The following RFT1 variants were observed in gnomAD, a reference collection of about 807,000 sequenced individuals.
RFT1 encodes the protein man(5)GlcNAc(2)-PP-dolichol translocation protein RFT1.
A neutral mutation model predicts 62.2 loss-of-function variants in RFT1; 43 were observed. The ratio of observed to expected loss-of-function variants is 0.69; its 90% CI spans 0.54 to 0.89. RFT1 has a LOEUF of 0.89. Ranked by LOEUF, RFT1 falls within the 40% of genes least tolerant of loss-of-function variation. The pLI is 0.00. For missense variants in RFT1, 605 were observed against 649.9 expected, an observed-to-expected ratio of 0.93 and a Z score of 0.75; for synonymous variants, 262 against 264.6, an observed-to-expected ratio of 0.99 and a Z score of 0.10.
In RFT1 at chr3:53,130,411, C is replaced by A; in HGVS notation, c.-11G>T. On this transcript the variant is annotated 5_prime_UTR_variant, in exon 1 of 13. Transcript: ENST00000296292. ...CTCCTGGCTGCCCATAGCCTCCGCG[C>A]CAGGCTCAGACACCAGGAAATGCCG... 2.6e-6 allele frequency: 4 copies of A among 1,551,574 alleles called. No individual in the cohort carries two copies. Among genetic ancestry groups the A allele is most frequent in the African/African-American group, 1.4e-5 (1 of 73,242 alleles).
intron 4 of RFT1, among the ~76,000 whole-genome samples, chr3:53,122,172 G>C (rs1252564151): frequency 6.6e-6 from 1 of 151,984 alleles, no homozygotes; most frequent in African/African-American, 2.4e-5. Context: ...TTTATTTATG[G>C]TGAAACAGAG....
At chr3:53,103,814 G>T in intron 10 of RFT1, 139 bp downstream of exon 10, 1 of 1,075,410 alleles carries the variant, frequency 9.3e-7, no homozygotes, top group Non-Finnish European at 1.4e-6. Context: ...GAGGGGAACA[G>T]TCCCACAGCC....
chr3:53,100,143 G>T (rs899235815), intron 10 of RFT1, among the ~76,000 whole-genome samples: 1 of 152,182 alleles, frequency 6.6e-6, no homozygotes, highest in African/African-American at 2.4e-5. Flanking sequence ...TGCATGTTAA[G>T]GGAATCTCAG....
chr3:53,107,367 G>C (rs1283410001), intron 7 of RFT1, among the ~76,000 whole-genome samples: 1 of 152,172 alleles, frequency 6.6e-6, no homozygotes, highest in Non-Finnish European at 1.5e-5. Flanking sequence ...TCGATCTCCT[G>C]ACCTCGTGAT....
chr3:53,083,422 G>A, the RFT1 span, among the ~76,000 whole-genome samples: 1 of 149,838 alleles, frequency 6.7e-6, no homozygotes, highest in African/African-American at 2.5e-5. Flanking sequence ...TTGAGCCCAG[G>A]AGATTAAGGC....
At chr3:53,105,552 G>A in intron 9 of RFT1, 121 bp downstream of exon 9, 1 of 1,244,702 alleles carries the variant, frequency 8.0e-7, no homozygotes, top group Non-Finnish European at 1.2e-6. Flanking sequence ...TGTAATAGAA[G>A]AATGAAATCT....
At chr3:53,081,424 T>C in the RFT1 span, among the ~76,000 whole-genome samples, 149,802 of 152,240 alleles carry the variant, frequency 0.98, 73,755 homozygotes, top group Middle Eastern at 1. Flanking sequence ...GGCACGGGGA[T>C]TGGAAGAGGA....
intron 7 of RFT1, among the ~76,000 whole-genome samples, chr3:53,111,016 A>G (rs1701632703): frequency 6.6e-6 from 1 of 152,232 alleles, no homozygotes; most frequent in South Asian, 2.1e-4. Flanking sequence ...AAACTCTCAT[A>G]CAAGTGCATT....
chr3:53,127,227 A>C (rs748210988), intron 1 of RFT1, among the ~76,000 whole-genome samples: 5 of 150,116 alleles, frequency 3.3e-5, no homozygotes, highest in Non-Finnish European at 5.9e-5. Context: ...GACCTGCCTG[A>C]CTAACATGGT....
chr3:53,078,616 C>T, the RFT1 span, among the ~76,000 whole-genome samples: 1 of 152,180 alleles, frequency 6.6e-6, no homozygotes. Flanking sequence ...GTGGCTCATG[C>T]CTGTGGTCCC....
intron 6 of RFT1, among the ~76,000 whole-genome samples, chr3:53,119,160 G>A (rs1313243513): frequency 6.6e-6 from 1 of 151,796 alleles, no homozygotes; most frequent in African/African-American, 2.4e-5. Flanking sequence ...GCTGTAGTGA[G>A]CTATGATCAC....
chr3:53,121,569 C>T (rs1258635459), intron 5 of RFT1, 130 bp downstream of exon 5: 2 of 758,850 alleles, frequency 2.6e-6, no homozygotes, highest in Admixed American at 2.1e-5. Flanking sequence ...CTAAGGCCAC[C>T]CTTCTGGTGC....
chr3:53,101,523 C>T (rs759209930), intron 10 of RFT1, among the ~76,000 whole-genome samples: 7 of 152,122 alleles, frequency 4.6e-5, no homozygotes, highest in Non-Finnish European at 8.8e-5. Flanking sequence ...GGTTTTGTGT[C>T]CATTTGGGGA....
rs1701868628 is a variant in RFT1, at chr3:53,118,388, A to G, written c.696+1496T>C. ...CCATCTAAGCCTGTAGATGAGGCACAGTGGTATCCAAAACGTCCTGTTGGT... is the reference window on the plus strand; with the variant it reads ...CCATCTAAGCCTGTAGATGAGGCACGGTGGTATCCAAAACGTCCTGTTGGT... On this transcript the variant is annotated intron_variant, in intron 6 of 12. Coordinates refer to ENST00000296292, the MANE Select transcript of RFT1 (RefSeq NM_052859.4). Among the ~76,000 whole-genome samples the G allele has an allele frequency of 1.3e-5, 2 of 152,216 alleles. 1 individual carries two copies. Among genetic ancestry groups the G allele is most frequent in the South Asian group, 4.1e-4 (2 of 4,830 alleles).
intron 6 of RFT1, among the ~76,000 whole-genome samples, chr3:53,114,749 G>A (rs1422287259): frequency 2.6e-5 from 4 of 152,094 alleles, no homozygotes; most frequent in Admixed American, 6.6e-5. Context: ...CTGTACTAAC[G>A]GAGAAATGGC....
chr3:53,116,989 T>C (rs1701828872), intron 6 of RFT1, among the ~76,000 whole-genome samples: 1 of 152,188 alleles, frequency 6.6e-6, no homozygotes. Flanking sequence ...CTATGGGCAA[T>C]AAGCCAATTT....
the RFT1 span, among the ~76,000 whole-genome samples, chr3:53,078,734 C>A: frequency 1.3e-5 from 2 of 152,130 alleles, no homozygotes; most frequent in Non-Finnish European, 2.9e-5. Flanking sequence ...AGCTCCAGAT[C>A]CTGTTTCAAA....
rs145175244 is a variant in RFT1, at chr3:53,092,542, C to T, written c.1285G>A (p.Val429Met). ...SYLLTRWCGS[V>M]GFILANCFNM... The stretch of plus-strand genomic sequence containing the variant: ...AAGCAGTTGGCCAAGATGAAGCCCA[C>T]GCTGCCACACCAACGGGTCAAGAGA... Residue 429 changes from valine (V) to methionine (M), a missense_variant, in exon 12 of 13, where the codon GTG (valine) becomes ATG (methionine). Val to Met is a conservative substitution (Grantham distance 21). Transcript: ENST00000296292. The T allele has an allele frequency of 1.3e-5, 21 of 1,612,312 alleles. No individual in the cohort carries two copies. Among genetic ancestry groups the T allele is most frequent in the Admixed American group, 1.0e-4 (6 of 59,818 alleles).
the RFT1 span, among the ~76,000 whole-genome samples, chr3:53,067,103 G>C: frequency 6.6e-6 from 1 of 152,208 alleles, no homozygotes; most frequent in Non-Finnish European, 1.5e-5. Flanking sequence ...CGAGGCGGGC[G>C]GAGCGCTTGA....
Sources: gnomAD v4.1 joint callset for allele counts (sites outside exome capture counted in the v4.1 genomes callset) on GRCh38, gnomAD v4.1.1 for gene constraint, MANE v1.5 for transcripts, NCBI Gene and HGNC (gene_info 2026-07-23, HGNC 2026-07-21) for gene names.